ACADSB: variants seen among roughly 807,000 people sequenced by gnomAD.
ACADSB encodes acyl-CoA dehydrogenase short/branched chain, also known as short/branched chain specific acyl-CoA dehydrogenase, mitochondrial.
Under a neutral mutation model 54.1 loss-of-function variants are expected in ACADSB, and 40 were observed. That is an observed-to-expected ratio of 0.74 (90% CI 0.57 to 0.96). The LOEUF is 0.96. Ranked by LOEUF, ACADSB falls within the 40% of genes least tolerant of loss-of-function variation. ACADSB has a pLI of 0.00. For missense variants in ACADSB, 530 were observed against 510.4 expected (o/e 1.04, Z -0.37); for synonymous variants, 182 against 182.8 (o/e 1.00, Z 0.03).
chr10:123,028,164 G>A (rs1161998241), intron 1 of ACADSB, among the ~76,000 whole-genome samples: 1 of 152,176 alleles, frequency 6.6e-6, no homozygotes, highest in Non-Finnish European at 1.5e-5. Flanking sequence ...AGATTGGCCT[G>A]GGGAGGCTAC....
chr10:123,023,094 G>A (rs1261568946), intron 1 of ACADSB, among the ~76,000 whole-genome samples: 6 of 152,086 alleles, frequency 3.9e-5, no homozygotes, highest in African/African-American at 1.2e-4. Flanking sequence ...TATTTTTACC[G>A]ATAACTCAGA....
chr10:123,025,617 AG>A (rs1190898911), intron 1 of ACADSB, among the ~76,000 whole-genome samples: 16 of 152,330 alleles, frequency 1.1e-4, no homozygotes, highest in Admixed American at 3.9e-4. Flanking sequence ...ATTTGTATAA[AG>A]CTCCTGGAAA....
At chr10:123,044,593 C>G (rs1850525825) in intron 7 of ACADSB, 108 bp downstream of exon 7, 1 of 862,918 alleles carries the variant, frequency 1.2e-6, no homozygotes, top group Non-Finnish European at 1.9e-6. Context: ...CAAGATGGCA[C>G]CGTTCCCTTA....
intron 1 of ACADSB, among the ~76,000 whole-genome samples, chr10:123,014,241 G>GAAC (rs758082993): frequency 2.6e-5 from 4 of 152,128 alleles, no homozygotes; most frequent in Non-Finnish European, 4.4e-5. Flanking sequence ...TGAGAACTTG[G>GAAC]AACAGCTGAC....
rs10571424 is a variant in ACADSB at position 123,051,188 on chromosome 10, T to TAAAAAAAAA, written c.1128+18_1128+26dup. On this transcript the variant is annotated splice_region_variant and intron_variant, in intron 9 of 10. Coordinates refer to ENST00000358776, the MANE Select transcript of ACADSB (RefSeq NM_001609.4). ...ATGGCCAAATACTATGCATCAGAGG[T>TAAAAAAAAA]AAAAAAAAAAAAAAAAAAAAAAAAG... 24 of 1,018,014 alleles carry TAAAAAAAAA rather than the reference T, an allele frequency of 2.4e-5. No homozygotes were observed. The highest frequency in any genetic ancestry group is 1.8e-4 in the East Asian group (3 of 16,996). The allele number at this position is 1,018,014 out of a possible 1,614,324, so 63.1% of individuals were successfully genotyped here.
chr10:123,039,696 G>A (rs1233049746), intron 3 of ACADSB, among the ~76,000 whole-genome samples: 1 of 152,188 alleles, frequency 6.6e-6, no homozygotes, highest in Non-Finnish European at 1.5e-5. Context: ...TGAAACTATA[G>A]ACATCCCATT....
chr10:123,010,860 T>C (rs1282490514), intron 1 of ACADSB, among the ~76,000 whole-genome samples: 1 of 152,174 alleles, frequency 6.6e-6, no homozygotes, highest in Non-Finnish European at 1.5e-5. Flanking sequence ...CCCCATGTCA[T>C]GTAGGTGTGG....
chr10:123,040,765 T>A (rs756568861), intron 4 of ACADSB, 93 bp downstream of exon 4: 1 of 1,185,690 alleles, frequency 8.4e-7, no homozygotes, highest in Non-Finnish European at 1.2e-6. Flanking sequence ...TCGACTTTAC[T>A]ATCCAAGACC....
At chr10:123,040,377 T>A in intron 3 of ACADSB, 89 bp from the exon 4 acceptor site, 9 of 1,104,150 alleles carry the variant, frequency 8.2e-6, no homozygotes, top group Middle Eastern at 2.5e-4. Context: ...ATAAATATGG[T>A]TACAGTTTAT....
At chr10:123,026,147 A>G (rs1050608989) in intron 1 of ACADSB, among the ~76,000 whole-genome samples, 2 of 152,226 alleles carry the variant, frequency 1.3e-5, no homozygotes, top group Non-Finnish European at 2.9e-5. Context: ...AAATTTAAAT[A>G]TTAAAACAGC....
intron 3 of ACADSB, 132 bp from the exon 4 acceptor site, chr10:123,040,334 G>C: frequency 1.2e-6 from 1 of 824,630 alleles, no homozygotes; most frequent in Non-Finnish European, 1.9e-6. Context: ...CTGGGAGACG[G>C]AGCAAGACTG....
At position 123,037,830 on chromosome 10, in the gene ACADSB, G is replaced by A; in HGVS notation, c.286G>A (p.Gly96Arg). 3 of 1,596,498 alleles carry A rather than the reference G, an allele frequency of 1.9e-6. No individual in the cohort carries two copies. The highest frequency in any genetic ancestry group is 2.6e-6 in the Non-Finnish European group (3 of 1,164,380). ...NSKMEKSVIQ[G>R]LFQQGLMGIE... ...GAAAATGGAGAAATCAGTAATACAA[G>A]GATTATTTCAACAAGGGGTACATTT... Residue 96 changes from glycine to arginine, a missense_variant, in exon 3 of 11, where the codon GGA (glycine) becomes AGA (arginine). Gly to Arg is a moderately radical substitution (Grantham distance 125). Coordinates refer to ENST00000358776, the MANE Select transcript of ACADSB (RefSeq NM_001609.4).
At chr10:123,023,394 A>T (rs565123896) in intron 1 of ACADSB, among the ~76,000 whole-genome samples, 2 of 152,342 alleles carry the variant, frequency 1.3e-5, no homozygotes, top group South Asian at 4.1e-4. Flanking sequence ...TACTTAATTT[A>T]TGAGCACTCT....
intron 1 of ACADSB, among the ~76,000 whole-genome samples, chr10:123,015,484 A>G (rs1850098907): frequency 6.6e-6 from 1 of 152,336 alleles, no homozygotes; most frequent in Non-Finnish European, 1.5e-5. Context: ...GCCTCTACTC[A>G]TAAGAGGCCA....
At chr10:123,042,196 C>T (rs777160299) in intron 5 of ACADSB, among the ~76,000 whole-genome samples, 6 of 151,910 alleles carry the variant, frequency 3.9e-5, no homozygotes, top group Non-Finnish European at 7.4e-5. Flanking sequence ...AAACTCCTGA[C>T]GTCGGATGAT....
intron 1 of ACADSB, among the ~76,000 whole-genome samples, chr10:123,014,001 C>T (rs969349506): frequency 6.6e-6 from 1 of 152,174 alleles, no homozygotes; most frequent in African/African-American, 2.4e-5. Flanking sequence ...GAATGGGCGC[C>T]GAGGCCGAGG....
intron 1 of ACADSB, among the ~76,000 whole-genome samples, chr10:123,011,227 G>A (rs1333469098): frequency 1.3e-5 from 2 of 152,212 alleles, no homozygotes; most frequent in Non-Finnish European, 2.9e-5. Context: ...TTGTAGACCA[G>A]GGACAGCATT....
At chr10:123,027,602 G>A (rs10902863) in intron 1 of ACADSB, 222,662 of 444,134 alleles carry the variant, frequency 0.5, 59,923 homozygotes, top group Non-Finnish European at 0.6. Flanking sequence ...TGTAAGTCCA[G>A]TTAAACCTCT....
intron 4 of ACADSB, 109 bp from the exon 5 acceptor site, chr10:123,041,100 A>G: frequency 8.0e-7 from 1 of 1,245,544 alleles, no homozygotes; most frequent in Non-Finnish European, 1.1e-6. Flanking sequence ...AGGCTTTTTA[A>G]AAAAGCAGCT....
Sources: allele counts gnomAD v4.1 joint callset (sites outside exome capture counted in the v4.1 genomes callset), GRCh38; gene constraint gnomAD v4.1.1; transcripts MANE v1.5; gene names NCBI Gene and HGNC (gene_info 2026-07-23, HGNC 2026-07-21).